Variants in GCNA observed in about 807,000 individuals in gnomAD.
GCNA encodes the protein germ cell nuclear acidic protein.
GCNA carries 3 observed loss-of-function variants against 38.8 expected under a neutral mutation model. The observed-to-expected ratio is 0.08, with a 90% CI of 0.04 to 0.20. The LOEUF (loss-of-function observed/expected upper bound fraction) is 0.20. GCNA is among the 10% of genes least tolerant of loss of function. The pLI, the probability that GCNA is intolerant of heterozygous loss-of-function variation, is 1.00. For synonymous variants in GCNA, 195 were observed against 240.2 expected (o/e 0.81, Z 1.74); for missense variants, 446 against 578.6 (o/e 0.77, Z 2.35).
intron 7 of GCNA, among the ~76,000 whole-genome samples, chrX:71,599,834 G>A (rs772373769): frequency 8.0e-5 from 9 of 111,912 alleles, no homozygotes; most frequent in Non-Finnish European, 1.5e-4. Flanking sequence ...AATCTTTTAA[G>A]TTTTCTAGGA....
At chrX:71,607,899 G>A (rs1000977475) in intron 9 of GCNA, among the ~76,000 whole-genome samples, 1 of 112,886 alleles carries the variant, frequency 8.9e-6, no homozygotes, top group African/African-American at 3.2e-5. Flanking sequence ...GCGGGAAATT[G>A]CAATTTGTGT....
At chrX:71,594,273 T>G in intron 4 of GCNA, 58 bp from the exon 5 acceptor site, 5 of 739,827 alleles carry the variant, frequency 6.8e-6, no homozygotes, top group Non-Finnish European at 1.0e-5. Context: ...TTTTGATAAT[T>G]GGTTGCTTAT....
At chrX:71,580,092 T>C (rs760380814) in intron 1 of GCNA, among the ~76,000 whole-genome samples, 32 of 70,851 alleles carry the variant, frequency 4.5e-4, no homozygotes, top group Non-Finnish European at 1.3e-4. Flanking sequence ...AGTAAAGAGG[T>C]AGGGGAAGGG....
At chrX:71,607,437 A>G (rs1198723992) in intron 9 of GCNA, among the ~76,000 whole-genome samples, 1 of 112,188 alleles carries the variant, frequency 8.9e-6, no homozygotes, top group Non-Finnish European at 1.9e-5. Context: ...TAAGTCAGAA[A>G]CTTGCTGCAT....
In GCNA at chrX:71,612,281, A is replaced by AG. The variant is rs2040817157; in HGVS notation, c.1751-72dup. The AG allele has an allele frequency of 6.3e-6, 5 of 788,585 alleles. No individual in the cohort carries two copies. The Admixed American group carries it at 1.3e-4, about 21-fold the overall frequency. 65.0% of individuals were successfully genotyped at this position (788,585 alleles called of 1,213,427 possible). A position where few individuals can be genotyped will look rare whatever the true frequency, so the allele number is the denominator to read the frequency against. ...CGACAAAGCAAGACTATCTCAAAAAAGGAAAAAAAAAAAAAAAAAAAAAAA... is the reference window on the plus strand; with the variant it reads ...CGACAAAGCAAGACTATCTCAAAAAAGGGAAAAAAAAAAAAAAAAAAAAAAA... On this transcript the variant is annotated intron_variant, in intron 11 of 12. Transcript: ENST00000373696.
intron 3 of GCNA, 38 bp downstream of exon 3, chrX:71,592,206 T>C (rs1351716389): frequency 8.8e-7 from 1 of 1,141,417 alleles, no homozygotes; most frequent in South Asian, 1.8e-5. Context: ...CATTTTGAAG[T>C]GTCTTTGTAG....
chrX:71,602,628 AT>A (rs912913494), intron 7 of GCNA, among the ~76,000 whole-genome samples: 3 of 110,177 alleles, frequency 2.7e-5, no homozygotes, highest in Non-Finnish European at 5.7e-5. Flanking sequence ...GGATTATTAG[AT>A]TTTTTTTTCC....
At chrX:71,596,432 A>G (rs1036263625) in intron 6 of GCNA, among the ~76,000 whole-genome samples, 3 of 111,952 alleles carry the variant, frequency 2.7e-5, no homozygotes, top group African/African-American at 6.5e-5. Flanking sequence ...CATCACCACT[A>G]TCAAGATGCA....
intron 2 of GCNA, among the ~76,000 whole-genome samples, chrX:71,582,889 GAT>G (rs1426675272): frequency 8.9e-6 from 1 of 111,756 alleles, no homozygotes; most frequent in African/African-American, 3.2e-5. Flanking sequence ...GTGGAAGAAG[GAT>G]ATATGATTTA....
In GCNA at chrX:71,603,769, T is replaced by C; in HGVS notation, c.492T>C (p.Asp164=). The change falls in exon 8 of 13, where the codon GAT becomes GAC. Residue 164 remains aspartate, a synonymous_variant. Coordinates refer to ENST00000373696, the MANE Select transcript of GCNA (RefSeq NM_052957.5). ...DDSEAPDDNS[D]DSEAPDDNSD... Reference sequence around the variant, plus strand: ...CGGAAGCTCCTGACGACAACAGTGATGATTCGGAAGCTCCCGACGACAACA... The same window carrying C: ...CGGAAGCTCCTGACGACAACAGTGACGATTCGGAAGCTCCCGACGACAACA... The C allele has an allele frequency of 8.3e-7, 1 of 1,210,562 alleles. No homozygotes were observed. Among genetic ancestry groups the C allele is most frequent in the Non-Finnish European group, 1.1e-6 (1 of 895,099 alleles).
chrX:71,594,437 C>T (rs776786276), intron 5 of GCNA, 60 bp downstream of exon 5: 1 of 1,018,485 alleles, frequency 9.8e-7, no homozygotes. Context: ...GATGACTCAA[C>T]TGTGATTTGG....
rs191063341 is a variant in GCNA, at chrX:71,594,349, G to A, written c.159G>A (p.Gln53=). 3.1e-4 allele frequency: 379 copies of A among 1,205,064 alleles called. No individual in the cohort carries two copies. The East Asian group carries it at 9.3e-3, about 29-fold the overall frequency. ...KRQASCILNV[Q]SRSGDTSGSS... is the part of the protein sequence containing the mutation. ...TTTGCAGTTGCATCCTTAATGTCCA[G>A]TCAAGGAGTGGTGACACCAGTGGGT... Residue 53 remains glutamine, a synonymous_variant, in exon 5 of 13, where the codon CAG becomes CAA. Coordinates refer to ENST00000373696, the MANE Select transcript of GCNA (RefSeq NM_052957.5).
At chrX:71,595,937 C>T (rs1004781710) in intron 6 of GCNA, among the ~76,000 whole-genome samples, 5 of 112,160 alleles carry the variant, frequency 4.5e-5, no homozygotes, top group South Asian at 3.7e-4. Flanking sequence ...AGTTGCAGGC[C>T]GGGCACAGTG....
intron 9 of GCNA, among the ~76,000 whole-genome samples, chrX:71,606,559 T>C (rs1426264276): frequency 1.8e-5 from 2 of 112,176 alleles, no homozygotes; most frequent in Non-Finnish European, 3.8e-5. Context: ...AGACAAAGAA[T>C]GTATTTGAAG....
At chrX:71,595,584 C>T (rs182456131) in intron 6 of GCNA, among the ~76,000 whole-genome samples, 327 of 112,037 alleles carry the variant, frequency 2.9e-3, no homozygotes, top group Non-Finnish European at 4.6e-3. Flanking sequence ...GCCATAACCT[C>T]TCTTTCAGCC....
intron 2 of GCNA, among the ~76,000 whole-genome samples, chrX:71,582,270 CA>C (rs779423868): frequency 0.28 from 17,992 of 65,076 alleles, 2,270 homozygotes; most frequent in East Asian, 0.47. Flanking sequence ...ACCCTCTCTC[CA>C]AAAAAAAAAA....
At chrX:71,610,584 G>A (rs760711390) in intron 10 of GCNA, 97 bp from the exon 11 acceptor site, 56 of 1,069,847 alleles carry the variant, frequency 5.2e-5, no homozygotes, top group Non-Finnish European at 6.3e-5. Context: ...TTGCACTCCA[G>A]CCTGGGCAAC....
chrX:71,581,459 T>G (rs1446093617), intron 2 of GCNA, among the ~76,000 whole-genome samples: 2 of 111,769 alleles, frequency 1.8e-5, no homozygotes, highest in African/African-American at 6.5e-5. Context: ...ACTACCCTAT[T>G]TTCCTCCCTC....
chrX:71,609,140 G>A, intron 10 of GCNA, 23 bp downstream of exon 10: 4 of 1,184,838 alleles, frequency 3.4e-6, no homozygotes, highest in Non-Finnish European at 4.6e-6. Context: ...AATGAGCACT[G>A]ATTGAGCACC....
Sources: gnomAD v4.1 joint callset for allele counts (sites outside exome capture counted in the v4.1 genomes callset) on GRCh38, gnomAD v4.1.1 for gene constraint, MANE v1.5 for transcripts, NCBI Gene and HGNC (gene_info 2026-07-23, HGNC 2026-07-21) for gene names.